CSMD3: variants seen among roughly 807,000 people sequenced by gnomAD.
The protein encoded by CSMD3 is CUB and sushi domain-containing protein 3.
In CSMD3, 177 loss-of-function variants were observed where a neutral mutation model predicts 435.2. The ratio of observed to expected loss-of-function variants is 0.41; its 90% CI spans 0.36 to 0.46. The LOEUF (loss-of-function observed/expected upper bound fraction) is 0.46. Ranked by LOEUF, CSMD3 falls within the 20% of genes least tolerant of loss-of-function variation. The pLI, the probability that CSMD3 is intolerant of heterozygous loss-of-function variation, is 0.34. For synonymous variants in CSMD3, 1,656 were observed against 1,520.5 expected, an observed-to-expected ratio of 1.09 and a Z score of -2.07; for missense variants, 4,265 against 4,504.6, an observed-to-expected ratio of 0.95 and a Z score of 1.52.
At chr8:112,422,393 T>C (rs887294353) in intron 32 of CSMD3, among the ~76,000 whole-genome samples, 4 of 152,190 alleles carry the variant, frequency 2.6e-5, no homozygotes, top group African/African-American at 9.6e-5. Context: ...CTGCAGACTT[T>C]TAGTACTTTC....
At chr8:112,351,385 A>G in intron 39 of CSMD3, 141 bp from the exon 40 acceptor site, 1 of 607,456 alleles carries the variant, frequency 1.6e-6, no homozygotes, top group Non-Finnish European at 3.0e-6. Context: ...TGAAAATCTT[A>G]GCATGATTAA....
intron 27 of CSMD3, among the ~76,000 whole-genome samples, chr8:112,520,221 ACT>A (rs1383998731): frequency 6.6e-6 from 1 of 151,986 alleles, no homozygotes; most frequent in East Asian, 1.9e-4. Flanking sequence ...AGCAATAATT[ACT>A]CTCTGTATTT....
At chr8:112,461,847 T>A (rs1329733873) in intron 32 of CSMD3, among the ~76,000 whole-genome samples, 2 of 152,172 alleles carry the variant, frequency 1.3e-5, no homozygotes, top group Non-Finnish European at 2.9e-5. Flanking sequence ...TCTTTGGAAT[T>A]TAATGAAATT....
chr8:112,512,976 C>A (rs1467964188), intron 28 of CSMD3, among the ~76,000 whole-genome samples: 3 of 152,122 alleles, frequency 2.0e-5, no homozygotes, highest in African/African-American at 7.2e-5. Context: ...TCAAAGTTTT[C>A]TTCTGCAGCT....
intron 9 of CSMD3, among the ~76,000 whole-genome samples, chr8:112,929,694 T>C (rs1030200520): frequency 1.3e-5 from 2 of 151,994 alleles, no homozygotes; most frequent in Non-Finnish European, 2.9e-5. Flanking sequence ...AGGCACATAG[T>C]AGGATAATGA....
At chr8:113,015,967 T>C (rs1340910112) in intron 6 of CSMD3, among the ~76,000 whole-genome samples, 1 of 151,848 alleles carries the variant, frequency 6.6e-6, no homozygotes, top group African/African-American at 2.4e-5. Context: ...TTCTCATTAA[T>C]AGAGGGTTAA....
chr8:112,729,725 T>G (rs776605769), intron 13 of CSMD3, among the ~76,000 whole-genome samples: 1 of 152,082 alleles, frequency 6.6e-6, no homozygotes, highest in African/African-American at 2.4e-5. Context: ...CTCTCTTATA[T>G]GGACACACAG....
At chr8:112,405,248 C>CACACAA (rs1831738516) in intron 35 of CSMD3, among the ~76,000 whole-genome samples, 1 of 56,994 alleles carries the variant, frequency 1.8e-5, no homozygotes, top group African/African-American at 8.6e-5. Context: ...TATATATATA[C>CACACAA]ATATATATAT....
chr8:112,554,487 T>G (rs1827950223), intron 25 of CSMD3, among the ~76,000 whole-genome samples: 1 of 152,006 alleles, frequency 6.6e-6, no homozygotes, highest in Non-Finnish European at 1.5e-5. Flanking sequence ...ATCATTTATT[T>G]ATGATTTATC....
intron 22 of CSMD3, among the ~76,000 whole-genome samples, chr8:112,635,189 C>G (rs759234934): frequency 6.6e-6 from 1 of 151,964 alleles, no homozygotes; most frequent in African/African-American, 2.4e-5. Flanking sequence ...AATCTAAATT[C>G]GGAATGCTTC....
chr8:112,321,480 G>A (rs895982924), intron 45 of CSMD3, among the ~76,000 whole-genome samples: 1 of 152,074 alleles, frequency 6.6e-6, no homozygotes, highest in African/African-American at 2.4e-5. Context: ...GTGATCCTGG[G>A]GAGAAGAGCA....
At chr8:112,542,362 T>C (rs1223602738) in intron 27 of CSMD3, among the ~76,000 whole-genome samples, 6 of 113,104 alleles carry the variant, frequency 5.3e-5, no homozygotes, top group African/African-American at 1.4e-4. Context: ...AAAAAAAAAA[T>C]AGGTAAAATA....
At chr8:112,513,609 G>T (rs1232892848) in intron 28 of CSMD3, among the ~76,000 whole-genome samples, 2 of 152,074 alleles carry the variant, frequency 1.3e-5, no homozygotes, top group Non-Finnish European at 2.9e-5. Flanking sequence ...TATAATACAG[G>T]GACATGAAGT....
intron 6 of CSMD3, among the ~76,000 whole-genome samples, chr8:112,980,994 T>C (rs769168428): frequency 1.3e-5 from 2 of 151,464 alleles, no homozygotes; most frequent in Admixed American, 6.6e-5. Context: ...TTATTAAGTA[T>C]AAAAATATCT....
chr8:112,285,832 C>A (rs1222933103), intron 58 of CSMD3, among the ~76,000 whole-genome samples: 1 of 152,022 alleles, frequency 6.6e-6, no homozygotes, highest in Non-Finnish European at 1.5e-5. Context: ...GATCCTCCTG[C>A]CTTAGCATCC....
rs755786772 is a variant in CSMD3, at chr8:112,255,460, G to T, written c.9863-33C>A. The T allele has an allele frequency of 5.0e-6, 8 of 1,601,516 alleles. No individual in the cohort carries two copies. In the East Asian group the frequency reaches 8.9e-5, roughly 18 times the overall value. Reference sequence around the variant, plus strand: ...TGAAAAGAAAGACGCTTATATCAAAGATTTAGTATACAGCAGAGTACACAG... The same window carrying T: ...TGAAAAGAAAGACGCTTATATCAAATATTTAGTATACAGCAGAGTACACAG... On this transcript the variant is annotated intron_variant, in intron 61 of 70. Transcript: ENST00000297405.
At chr8:112,804,569 A>G (rs977002211) in intron 12 of CSMD3, among the ~76,000 whole-genome samples, 11 of 152,154 alleles carry the variant, frequency 7.2e-5, no homozygotes, top group Non-Finnish European at 1.3e-4. Flanking sequence ...AATGACCTAA[A>G]ACTGACAGAT....
intron 60 of CSMD3, among the ~76,000 whole-genome samples, chr8:112,264,215 C>A (rs1816720603): frequency 6.6e-6 from 1 of 152,044 alleles, no homozygotes; most frequent in South Asian, 2.1e-4. Flanking sequence ...GCATCTTAAT[C>A]ATGGAATTTG....
intron 17 of CSMD3, among the ~76,000 whole-genome samples, chr8:112,656,699 T>C (rs1245017687): frequency 6.6e-6 from 1 of 152,178 alleles, no homozygotes; most frequent in Non-Finnish European, 1.5e-5. Flanking sequence ...ACATTTATTT[T>C]CAATCAGATA....
Sources: allele counts gnomAD v4.1 joint callset (sites outside exome capture counted in the v4.1 genomes callset), GRCh38; gene constraint gnomAD v4.1.1; transcripts MANE v1.5; gene names NCBI Gene and HGNC (gene_info 2026-07-23, HGNC 2026-07-21).